Variants in ASTN2 observed in about 807,000 individuals in gnomAD.
ASTN2 encodes astrotactin 2.
A neutral mutation model predicts 139.8 loss-of-function variants in ASTN2; 54 were observed. The ratio of observed to expected loss-of-function variants is 0.39; its 90% CI spans 0.31 to 0.48. The LOEUF (loss-of-function observed/expected upper bound fraction) is 0.48, where lower values mean the gene tolerates loss of function less well. Ranked by LOEUF, ASTN2 falls within the 20% of genes least tolerant of loss-of-function variation. The pLI is 0.95. For synonymous variants in ASTN2, 756 were observed against 719.5 expected (o/e 1.05, Z -0.81); for missense variants, 1,565 against 1,725.1 (o/e 0.91, Z 1.64).
chr9:116,734,104 C>T (rs569499177), intron 13 of ASTN2, among the ~76,000 whole-genome samples: 1 of 151,934 alleles, frequency 6.6e-6, no homozygotes, highest in African/African-American at 2.4e-5. Context: ...TTTCCTTTTA[C>T]AGATGGGGAA....
At chr9:116,860,226 G>C (rs910077041) in intron 11 of ASTN2, among the ~76,000 whole-genome samples, 4 of 152,072 alleles carry the variant, frequency 2.6e-5, no homozygotes, top group Non-Finnish European at 1.5e-5. Context: ...AAATTGACTA[G>C]AGTTAAGTTT....
intron 1 of ASTN2, among the ~76,000 whole-genome samples, chr9:117,310,413 G>A (rs971540176): frequency 8.6e-5 from 13 of 152,028 alleles, no homozygotes; most frequent in Admixed American, 5.2e-4. Context: ...CTTGGCGCTC[G>A]TCTTTCTAGT....
chr9:116,786,965 C>G (rs1830395030), intron 13 of ASTN2, among the ~76,000 whole-genome samples: 1 of 152,188 alleles, frequency 6.6e-6, no homozygotes. Context: ...TCCCCTTTCA[C>G]TGGACACTCA....
chr9:117,381,670 G>A (rs1193163826), intron 1 of ASTN2, among the ~76,000 whole-genome samples: 2 of 152,108 alleles, frequency 1.3e-5, no homozygotes, highest in Non-Finnish European at 2.9e-5. Context: ...ACAGCCTGCA[G>A]AACCATAAGC....
At chr9:117,385,764 T>C (rs1433302894) in intron 1 of ASTN2, among the ~76,000 whole-genome samples, 2 of 150,886 alleles carry the variant, frequency 1.3e-5, no homozygotes, top group African/African-American at 2.4e-5. Context: ...AGAGAGGATA[T>C]GGAAAGAGTG....
Position 116,532,082 on chromosome 9 carries a change from A to G in ASTN2, c.3356-44582T>C, listed in dbSNP as rs553982417. Reference sequence around the variant, plus strand: ...TCTAACTGGTGTGAGATGGTATCGCATTGTAGTTTTGATTTGCATTTCTCT... The same window carrying G: ...TCTAACTGGTGTGAGATGGTATCGCGTTGTAGTTTTGATTTGCATTTCTCT... On this transcript the variant is annotated intron_variant, in intron 19 of 22. Coordinates refer to ENST00000313400, the MANE Select transcript of ASTN2 (RefSeq NM_001365068.1). Among the ~76,000 whole-genome samples the G allele has an allele frequency of 1.3e-4, 20 of 152,256 alleles. No individual in the cohort carries two copies. In the South Asian group the frequency reaches 4.1e-3, roughly 32 times the overall value.
intron 2 of ASTN2, among the ~76,000 whole-genome samples, chr9:117,244,965 T>A (rs538821856): frequency 1.3e-4 from 20 of 152,174 alleles, no homozygotes; most frequent in Non-Finnish European, 2.6e-4. Flanking sequence ...GCAGATCTAA[T>A]GTCAATGAAT....
chr9:116,593,936 G>T (rs1166361500), intron 19 of ASTN2, among the ~76,000 whole-genome samples: 1 of 152,118 alleles, frequency 6.6e-6, no homozygotes, highest in Non-Finnish European at 1.5e-5. Context: ...AGCCTCAATT[G>T]CAATGGACAG....
In ASTN2 at chr9:116,489,674, G is replaced by A. The variant is rs528370138; in HGVS notation, c.3356-2174C>T. Among the ~76,000 whole-genome samples, 39 of 152,314 alleles carry A rather than the reference G, an allele frequency of 2.6e-4. 1 individual carries two copies. The highest frequency in any genetic ancestry group is 1.7e-3 in the East Asian group (9 of 5,176). On this transcript the variant is annotated intron_variant, in intron 19 of 22. Coordinates refer to ENST00000313400, the MANE Select transcript of ASTN2 (RefSeq NM_001365068.1). ...TTTAAAAAGAAGAGTTTCATTCTTC[G>A]TCTCACAAGTGAATCTTGCAAGACT...
intron 19 of ASTN2, among the ~76,000 whole-genome samples, chr9:116,552,534 A>T (rs914173136): frequency 2.0e-5 from 3 of 152,204 alleles, no homozygotes; most frequent in Non-Finnish European, 2.9e-5. Flanking sequence ...CTACAGTCTA[A>T]TAACATCATT....
intron 6 of ASTN2, among the ~76,000 whole-genome samples, chr9:117,024,999 T>C (rs1034146167): frequency 2.0e-5 from 3 of 152,158 alleles, no homozygotes; most frequent in South Asian, 2.1e-4. Flanking sequence ...TTGCTCCTCC[T>C]TGCCTTCTGC....
intron 19 of ASTN2, chr9:116,568,350 A>T (rs1206369118): frequency 6.6e-6 from 1 of 152,158 alleles, no homozygotes; most frequent in Non-Finnish European, 1.5e-5. Flanking sequence ...ATTTTTTTAA[A>T]TTTTTAAATT....
chr9:117,060,380 A>T lies in ASTN2; in HGVS notation c.1277-20415T>A, dbSNP rs1173166831. ...AAAGAAAGAAAGAAAGAAAGAAAGAAAGAAAGAAAGAAAGAAAGAAAGAAA... is the reference window on the plus strand; with the variant it reads ...AAAGAAAGAAAGAAAGAAAGAAAGATAGAAAGAAAGAAAGAAAGAAAGAAA... On this transcript the variant is annotated intron_variant, in intron 5 of 22. Transcript: ENST00000313400. 6.2e-4 allele frequency among the ~76,000 whole-genome samples: 48 copies of T among 77,220 alleles called. 4 individuals are homozygous for T. The highest frequency in any genetic ancestry group is 2.9e-3 in the African/African-American group (44 of 14,940). The allele number at this position is 77,220 out of a possible 152,430, so 50.7% of individuals were successfully genotyped here.
chr9:117,359,669 A>C (rs1222412503), intron 1 of ASTN2, among the ~76,000 whole-genome samples: 30 of 152,192 alleles, frequency 2.0e-4, no homozygotes, highest in Non-Finnish European at 2.9e-5. Context: ...TAGCCAGCAC[A>C]GTGTAGATGT....
At chr9:116,941,450 G>A (rs1161525983) in intron 10 of ASTN2, among the ~76,000 whole-genome samples, 1 of 152,080 alleles carries the variant, frequency 6.6e-6, no homozygotes, top group Non-Finnish European at 1.5e-5. Flanking sequence ...AAGAACAGAT[G>A]TCCTAGTTTG....
At chr9:117,123,436 G>A (rs10983537) in intron 4 of ASTN2, among the ~76,000 whole-genome samples, 18,180 of 152,012 alleles carry the variant, frequency 0.12, 1,138 homozygotes, top group East Asian at 0.2. Flanking sequence ...GTCTTGCCTC[G>A]TGAGCCAAAA....
At chr9:116,676,798 C>T (rs1859533043) in intron 16 of ASTN2, among the ~76,000 whole-genome samples, 1 of 152,158 alleles carries the variant, frequency 6.6e-6, no homozygotes, top group South Asian at 2.1e-4. Context: ...GGAATGATTC[C>T]TTTCTGGTTT....
At chr9:116,530,859 T>C (rs1851312095) in intron 19 of ASTN2, among the ~76,000 whole-genome samples, 1 of 152,158 alleles carries the variant, frequency 6.6e-6, no homozygotes, top group Non-Finnish European at 1.5e-5. Flanking sequence ...GTCAGCTTCA[T>C]TTGATAATCC....
At chr9:116,882,472 G>A (rs1008874257) in intron 10 of ASTN2, among the ~76,000 whole-genome samples, 3 of 152,146 alleles carry the variant, frequency 2.0e-5, no homozygotes, top group African/African-American at 7.2e-5. Context: ...CAACAGTGGA[G>A]GCAGAAAAGG....
Sources: gnomAD v4.1 joint callset for allele counts (sites outside exome capture counted in the v4.1 genomes callset) on GRCh38, gnomAD v4.1.1 for gene constraint, MANE v1.5 for transcripts, NCBI Gene and HGNC (gene_info 2026-07-23, HGNC 2026-07-21) for gene names.